Variants in OR5H1 observed in about 807,000 individuals in gnomAD.
OR5H1 encodes the protein olfactory receptor family 5 subfamily H member 1.
For synonymous variants in OR5H1, 124 were observed against 134.4 expected (o/e 0.92, Z 0.54); for missense variants, 378 against 366.8 (o/e 1.03, Z -0.25).
rs1281112935 is a variant in OR5H1, at chr3:98,133,029, A to G, written c.332A>G (p.Glu111Gly). The G allele has an allele frequency of 6.2e-7, 1 of 1,613,554 alleles. No individual in the cohort carries two copies. The highest frequency in any genetic ancestry group is 8.5e-7 in the Non-Finnish European group (1 of 1,179,646). The part of the protein sequence containing the change: ...FFSFAISVTT[E>G]CFLLATMAYD... Reference sequence around the variant, plus strand: ...TCGTTTGCAATCAGTGTAACCACGGAATGTTTTCTCTTGGCAACGATGGCA... The same window carrying G: ...TCGTTTGCAATCAGTGTAACCACGGGATGTTTTCTCTTGGCAACGATGGCA... The change falls in exon 2 of 2, where the codon GAA (glutamate) becomes GGA (glycine). Residue 111 changes from glutamate to glycine, a missense_variant. Glu to Gly is a moderately conservative substitution (Grantham distance 98). Transcript: ENST00000641874.
At chr3:98,132,544 A>G (rs866543920) in intron 1 of OR5H1, 136 bp from the exon 2 acceptor site, 1 of 916,778 alleles carries the variant, frequency 1.1e-6, no homozygotes, top group Non-Finnish European at 1.6e-6. Flanking sequence ...ACAAATAGAG[A>G]TTCATCAGCT....
Position 98,133,697 on chromosome 3 carries a change from G to T in OR5H1, c.*58G>T. 1 of 1,387,894 alleles carries T rather than the reference G, an allele frequency of 7.2e-7. No individual in the cohort carries two copies. Among genetic ancestry groups the T allele is most frequent in the Non-Finnish European group, 1.0e-6 (1 of 999,084 alleles). 86.0% of individuals were successfully genotyped at this position (1,387,894 alleles called of 1,614,324 possible). A position where few individuals can be genotyped will look rare whatever the true frequency, so the allele number is the denominator to read the frequency against. ...AATTATGCAAGTTAGAGGTACCTAT[G>T]TTGTTTCCAGTGTTCAAACATTTTT... On this transcript the variant is annotated 3_prime_UTR_variant, in exon 2 of 2. Coordinates refer to ENST00000641874, the MANE Select transcript of OR5H1 (RefSeq NM_001005338.2).
rs1219902818 is a variant in OR5H1 at position 98,135,968 on chromosome 3, C to T, written c.*2329C>T. On this transcript the variant is annotated 3_prime_UTR_variant, in exon 2 of 2. Transcript: ENST00000641874. The stretch of plus-strand genomic sequence containing the variant: ...GTCATGTCATTGAATGTTTGGTGAA[C>T]TTCCTGAGTGGGACACTAAGCATCA... 2.0e-5 allele frequency: 3 copies of T among 152,130 alleles called. No individual in the cohort carries two copies. The highest frequency in any genetic ancestry group is 2.0e-4 in the Admixed American group (3 of 15,260). The allele number at this position is 152,130 out of a possible 1,614,324, so 9.4% of individuals were successfully genotyped here. A position where few individuals can be genotyped will look rare whatever the true frequency, so the allele number is the denominator to read the frequency against.
Position 98,133,437 on chromosome 3 carries a change from C to G in OR5H1, c.740C>G (p.Ser247Cys), listed in dbSNP as rs375548200. The change falls in exon 2 of 2, where the codon TCT (serine) becomes TGT (cysteine). Residue 247 changes from serine to cysteine, a missense_variant. Coordinates refer to ENST00000641874, the MANE Select transcript of OR5H1 (RefSeq NM_001005338.2). ...TCCACCTGTGGAGCCCATCTCTTCT[C>G]TGTCTCTTTATACTATGGACCCCTT... ...AFSTCGAHLF[S>C]VSLYYGPLLF... 5.0e-6 allele frequency: 8 copies of G among 1,613,562 alleles called. No homozygotes were observed. Among genetic ancestry groups the G allele is most frequent in the Middle Eastern group, 1.7e-4 (1 of 6,060 alleles).
In OR5H1 at chr3:98,135,386, C is replaced by T. The variant is rs1576098058; in HGVS notation, c.*1747C>T. The T allele has an allele frequency of 6.6e-6, 1 of 152,022 alleles. No individual in the cohort carries two copies. Among genetic ancestry groups the T allele is most frequent in the Non-Finnish European group, 1.5e-5 (1 of 67,980 alleles). 9.4% of individuals were successfully genotyped at this position (152,022 alleles called of 1,614,324 possible). On this transcript the variant is annotated 3_prime_UTR_variant, in exon 2 of 2. Transcript: ENST00000641874. ...TAGGTACAAACCCACTTTGCTGGAC[C>T]CACGTCAGCCTGATATACTTTTATT...
rs763302013 is a variant in OR5H1 at position 98,133,439 on chromosome 3, G to T, written c.742G>T (p.Val248Phe). ...FSTCGAHLFS[V>F]SLYYGPLLFI... ...CACCTGTGGAGCCCATCTCTTCTCT[G>T]TCTCTTTATACTATGGACCCCTTCT... The change falls in exon 2 of 2, where the codon GTC (valine) becomes TTC (phenylalanine). Residue 248 changes from valine (V) to phenylalanine (F), a missense_variant. Val to Phe is a conservative substitution (Grantham distance 50). Coordinates refer to ENST00000641874, the MANE Select transcript of OR5H1 (RefSeq NM_001005338.2). 12 of 1,613,310 alleles carry T rather than the reference G, an allele frequency of 7.4e-6. No individual in the cohort carries two copies. The East Asian group carries it at 2.5e-4, about 33-fold the overall frequency.
chr3:98,131,365 T>G (rs1708253894), intron 1 of OR5H1, among the ~76,000 whole-genome samples: 1 of 151,968 alleles, frequency 6.6e-6, no homozygotes, highest in East Asian at 1.9e-4. Context: ...TGGCTTTGGC[T>G]GCCTTGAAAC....
In OR5H1 at chr3:98,135,793, G is replaced by A. The variant is rs560977257; in HGVS notation, c.*2154G>A. 6.6e-6 allele frequency: 1 copy of A among 152,186 alleles called. No homozygotes were observed. Among genetic ancestry groups the A allele is most frequent in the African/African-American group, 2.4e-5 (1 of 41,440 alleles). 9.4% of individuals were successfully genotyped at this position (152,186 alleles called of 1,614,324 possible). On this transcript the variant is annotated 3_prime_UTR_variant, in exon 2 of 2. Transcript: ENST00000641874. ...CAAATGAAAATAATAAAAGGTTAATGGTTAAAACTACCTATAAGCTTAGCA... is the reference window on the plus strand; with the variant it reads ...CAAATGAAAATAATAAAAGGTTAATAGTTAAAACTACCTATAAGCTTAGCA...
In OR5H1 at chr3:98,133,821, T is replaced by C. The variant is rs1051246436; in HGVS notation, c.*182T>C. 1.8e-6 allele frequency: 1 copy of C among 550,448 alleles called. No individual in the cohort carries two copies. The highest frequency in any genetic ancestry group is 1.9e-5 in the African/African-American group (1 of 52,958). 34.1% of individuals were successfully genotyped at this position (550,448 alleles called of 1,614,324 possible). The stretch of plus-strand genomic sequence containing the variant: ...ATGTTATTCAAAAGCATTCAAGAAA[T>C]TTTCATACTGTTCATAATAGAATAA... On this transcript the variant is annotated 3_prime_UTR_variant, in exon 2 of 2. Transcript: ENST00000641874.
Position 98,136,461 on chromosome 3 carries a change from G to T in OR5H1, c.*2822G>T, listed in dbSNP as rs1013933021. On this transcript the variant is annotated 3_prime_UTR_variant, in exon 2 of 2. Transcript: ENST00000641874. Reference sequence around the variant, plus strand: ...AAAAAGGTCCTAAAAGTATATTTCAGTTCCTGGGCCTTCCAGAGAGTAAGG... The same window carrying T: ...AAAAAGGTCCTAAAAGTATATTTCATTTCCTGGGCCTTCCAGAGAGTAAGG... 6.6e-6 allele frequency: 1 copy of T among 152,168 alleles called. No homozygotes were observed. Among genetic ancestry groups the T allele is most frequent in the South Asian group, 2.1e-4 (1 of 4,830 alleles). 9.4% of individuals were successfully genotyped at this position (152,168 alleles called of 1,614,324 possible).
In OR5H1 at chr3:98,132,854, C is replaced by T; in HGVS notation, c.157C>T (p.Pro53Ser). 1 of 1,613,444 alleles carries T rather than the reference C, an allele frequency of 6.2e-7. No individual in the cohort carries two copies. ...LGLIAVIWKD[P>S]HLHIPMYLLL... ...TCTGATTGCTGTCATCTGGAAAGAC[C>T]CTCACCTTCATATCCCAATGTACTT... The change falls in exon 2 of 2, where the codon CCT becomes TCT. Residue 53 changes from proline to serine, a missense_variant. Physicochemically the swap from Pro to Ser is moderately conservative, Grantham distance 74. Coordinates refer to ENST00000641874, the MANE Select transcript of OR5H1 (RefSeq NM_001005338.2).
In OR5H1 at chr3:98,136,351, T is replaced by A. The variant is rs1277058223; in HGVS notation, c.*2712T>A. On this transcript the variant is annotated 3_prime_UTR_variant, in exon 2 of 2. Transcript: ENST00000641874. ...ATAATCTCCGATTAGACTTTAAAGT[T>A]TCTTCAAGCTATAAAGTCACACCAA... is the stretch of plus-strand genomic sequence containing the variant. The A allele has an allele frequency of 6.6e-6, 1 of 152,172 alleles. No individual in the cohort carries two copies. The highest frequency in any genetic ancestry group is 1.5e-5 in the Non-Finnish European group (1 of 68,034). 9.4% of individuals were successfully genotyped at this position (152,172 alleles called of 1,614,324 possible). A position where few individuals can be genotyped will look rare whatever the true frequency, so the allele number is the denominator to read the frequency against.
At position 98,137,700 on chromosome 3, in the gene OR5H1, A is replaced by G. The variant is rs1025073674; in HGVS notation, c.*4061A>G. ...GTGTATGTTCAGCAATTAGTCTTTTAAAAAAATGTTGTTTGGAAATAATCC... is the reference window on the plus strand; with the variant it reads ...GTGTATGTTCAGCAATTAGTCTTTTGAAAAAATGTTGTTTGGAAATAATCC... On this transcript the variant is annotated 3_prime_UTR_variant, in exon 2 of 2. Transcript: ENST00000641874. 1 of 152,174 alleles carries G rather than the reference A, an allele frequency of 6.6e-6. No individual in the cohort carries two copies. Among genetic ancestry groups the G allele is most frequent in the African/African-American group, 2.4e-5 (1 of 41,436 alleles). The allele number at this position is 152,174 out of a possible 1,614,324, so 9.4% of individuals were successfully genotyped here.
Position 98,133,505 on chromosome 3 carries a change from C to G in OR5H1, c.808C>G (p.Gln270Glu). The G allele has an allele frequency of 3.1e-6, 5 of 1,613,376 alleles. No homozygotes were observed. Among genetic ancestry groups the G allele is most frequent in the Non-Finnish European group, 4.2e-6 (5 of 1,179,540 alleles). The change falls in exon 2 of 2, where the codon CAA becomes GAA. Residue 270 changes from glutamine to glutamate, a missense_variant. Transcript: ENST00000641874. ...VGPASPQADD[Q>E]DMVEPLFYTV... is the part of the protein sequence containing the mutation. ...CCCTGCATCTCCGCAAGCAGATGAT[C>G]AAGATATGGTGGAGCCTCTATTCTA...
chr3:98,130,892 A>G (rs1009025995), intron 1 of OR5H1, 42 bp downstream of exon 1: 2 of 152,168 alleles, frequency 1.3e-5, no homozygotes, highest in African/African-American at 4.8e-5. Flanking sequence ...TATAATTTAT[A>G]GAAATGTTGA....
At position 98,135,478 on chromosome 3, in the gene OR5H1, G is replaced by T. The variant is rs751812025; in HGVS notation, c.*1839G>T. On this transcript the variant is annotated 3_prime_UTR_variant, in exon 2 of 2. Transcript: ENST00000641874. ...TATTGACTAAAACTCAGGCATACTT[G>T]CACTCTCTGTGGCCAGCACAGCTGG... 6.6e-6 allele frequency: 1 copy of T among 152,144 alleles called. No homozygotes were observed. The highest frequency in any genetic ancestry group is 1.5e-5 in the Non-Finnish European group (1 of 68,024). The allele number at this position is 152,144 out of a possible 1,614,324, so 9.4% of individuals were successfully genotyped here.
chr3:98,132,581 G>T, intron 1 of OR5H1, 99 bp from the exon 2 acceptor site: 9 of 1,332,950 alleles, frequency 6.8e-6, no homozygotes, highest in South Asian at 1.4e-5. Flanking sequence ...AATTGAGAGG[G>T]TTCTGATCAT....
rs992549251 is a variant in OR5H1, at chr3:98,136,291, T to A, written c.*2652T>A. On this transcript the variant is annotated 3_prime_UTR_variant, in exon 2 of 2. Transcript: ENST00000641874. ...CAAGTTGGAATAGGAATTGATCATC[T>A]CTTTTTAAGAAGGCCTCATTACGAC... The A allele has an allele frequency of 1.3e-5, 2 of 152,210 alleles. No individual in the cohort carries two copies. The highest frequency in any genetic ancestry group is 4.8e-5 in the African/African-American group (2 of 41,458). 9.4% of individuals were successfully genotyped at this position (152,210 alleles called of 1,614,324 possible). A position where few individuals can be genotyped will look rare whatever the true frequency, so the allele number is the denominator to read the frequency against.
rs1467634310 is a variant in OR5H1 at position 98,138,432 on chromosome 3, T to C, written c.*4793T>C. ...TTAGTTTCACTTCTCTTTCCTTTTC[T>C]GAGTATAAAACAATATAAAACAATA... On this transcript the variant is annotated 3_prime_UTR_variant, in exon 2 of 2. Transcript: ENST00000641874. 1.3e-5 allele frequency: 2 copies of C among 152,220 alleles called. No homozygotes were observed. The highest frequency in any genetic ancestry group is 1.5e-5 in the Non-Finnish European group (1 of 68,046). The allele number at this position is 152,220 out of a possible 1,614,324, so 9.4% of individuals were successfully genotyped here.
Sources: allele counts gnomAD v4.1 joint callset (sites outside exome capture counted in the v4.1 genomes callset), GRCh38; gene constraint gnomAD v4.1.1; transcripts MANE v1.5; gene names NCBI Gene and HGNC (gene_info 2026-07-23, HGNC 2026-07-21).